SCFD2: variants seen among roughly 807,000 people sequenced by gnomAD.
SCFD2 encodes sec1 family domain containing 2, also known as sec1 family domain-containing protein 2.
SCFD2 carries 54 observed loss-of-function variants against 58.9 expected under a neutral mutation model. The observed-to-expected ratio is 0.92, with a 90% confidence interval of 0.74 to 1.15. The LOEUF (loss-of-function observed/expected upper bound fraction) is 1.15, where lower values mean the gene tolerates loss of function less well. Among genes scored for constraint, SCFD2 ranks in the 50% most tolerant of loss-of-function variants. SCFD2 has a pLI of 0.00. For missense variants in SCFD2, 805 were observed against 836.6 expected, an observed-to-expected ratio of 0.96 and a Z score of 0.47; for synonymous variants, 321 against 335.9, an observed-to-expected ratio of 0.96 and a Z score of 0.49.
intron 4 of SCFD2, among the ~76,000 whole-genome samples, chr4:53,154,466 C>A (rs1235695703): frequency 2.6e-5 from 4 of 152,220 alleles, no homozygotes; most frequent in African/African-American, 9.7e-5. Flanking sequence ...ACCTAGGAAT[C>A]AAGAGGGATC....
At chr4:52,953,144 C>T (rs886346616) in intron 5 of SCFD2, among the ~76,000 whole-genome samples, 5 of 152,198 alleles carry the variant, frequency 3.3e-5, no homozygotes, top group Admixed American at 6.5e-5. Context: ...TGGTACTACT[C>T]GGTGCATTAC....
intron 5 of SCFD2, among the ~76,000 whole-genome samples, chr4:52,968,134 C>G (rs1197275250): frequency 5.3e-5 from 8 of 151,962 alleles, no homozygotes; most frequent in Non-Finnish European, 1.5e-5. Context: ...AGGGGAATCA[C>G]AGCCATCAAT....
chr4:53,260,270 A>G (rs186782967), intron 4 of SCFD2, among the ~76,000 whole-genome samples: 1 of 152,210 alleles, frequency 6.6e-6, no homozygotes, highest in Admixed American at 6.5e-5. Context: ...ACTATGTTGA[A>G]CAGAAGTGAT....
chr4:52,915,545 T>C (rs1242340344), intron 6 of SCFD2, among the ~76,000 whole-genome samples: 1 of 152,234 alleles, frequency 6.6e-6, no homozygotes, highest in Non-Finnish European at 1.5e-5. Flanking sequence ...GGAAACAATT[T>C]ATTTGTAGAT....
intron 5 of SCFD2, among the ~76,000 whole-genome samples, chr4:52,967,410 G>A (rs1341553939): frequency 6.6e-6 from 1 of 152,078 alleles, no homozygotes; most frequent in Non-Finnish European, 1.5e-5. Flanking sequence ...TTGTCCCTAA[G>A]TAACTCTATA....
rs149189359 is a variant in SCFD2 at position 53,365,321 on chromosome 4, C to T, written c.621G>A (p.Thr207=). The T allele has an allele frequency of 1.5e-5, 25 of 1,614,058 alleles. No homozygotes were observed. Among genetic ancestry groups the T allele is most frequent in the South Asian group, 3.3e-5 (3 of 91,082 alleles). ...LGSLGDVDST[T]LTPELLLQIR... ...TCTGCAGCAGCAGCTCTGGGGTTAG[C>T]GTAGTGGAGTCCACATCACCCAGGC... The change falls in exon 1 of 9, where the codon ACG becomes ACA. Residue 207 remains threonine (T), a synonymous_variant. Transcript: ENST00000401642. This position sits in a 1 kb window ranked among gnomAD's most constrained non-coding sequence, Gnocchi z 4.3.
chr4:53,067,195 A>G (rs137911528), intron 5 of SCFD2, among the ~76,000 whole-genome samples: 5 of 152,100 alleles, frequency 3.3e-5, no homozygotes, highest in Admixed American at 6.6e-5. Context: ...GCCTCCTGCT[A>G]TAGGGACCAT....
At chr4:52,954,975 C>G (rs1245032703) in intron 5 of SCFD2, among the ~76,000 whole-genome samples, 2 of 152,198 alleles carry the variant, frequency 1.3e-5, no homozygotes, top group Non-Finnish European at 2.9e-5. Context: ...CTCCACCCAC[C>G]CCTCCTGCTC....
chr4:52,923,551 A>T (rs995173059), intron 5 of SCFD2, among the ~76,000 whole-genome samples: 2 of 152,028 alleles, frequency 1.3e-5, no homozygotes, highest in Non-Finnish European at 2.9e-5. Flanking sequence ...ATGCCTCCTC[A>T]CAACAGTGGA....
intron 4 of SCFD2, among the ~76,000 whole-genome samples, chr4:53,182,185 A>C (rs902231006): frequency 5.3e-5 from 8 of 152,152 alleles, no homozygotes; most frequent in African/African-American, 1.7e-4. Flanking sequence ...AAAAGAGCCC[A>C]CACTGCCAAG....
intron 8 of SCFD2, among the ~76,000 whole-genome samples, chr4:52,879,091 C>G (rs758698821): frequency 6.6e-5 from 10 of 152,218 alleles, no homozygotes; most frequent in Middle Eastern, 3.4e-3. Flanking sequence ...GACTTTACTC[C>G]GACCCATCAA....
chr4:52,936,239 A>G (rs1411701017), intron 5 of SCFD2, among the ~76,000 whole-genome samples: 1 of 152,220 alleles, frequency 6.6e-6, no homozygotes, highest in Non-Finnish European at 1.5e-5. Flanking sequence ...GGGTACCTGG[A>G]TTAACTTTCC....
At chr4:53,094,751 A>G (rs1201477394) in intron 5 of SCFD2, among the ~76,000 whole-genome samples, 1 of 151,780 alleles carries the variant, frequency 6.6e-6, no homozygotes, top group Non-Finnish European at 1.5e-5. Context: ...TTCTCCGTTC[A>G]GCAACCACCC....
intron 5 of SCFD2, chr4:52,950,052 G>A (rs1040895507): frequency 6.6e-6 from 1 of 152,186 alleles, no homozygotes; most frequent in African/African-American, 2.4e-5. Flanking sequence ...ACTTGTGGAT[G>A]GGGTATGAGA....
chr4:53,341,865 G>C (rs543765160), intron 2 of SCFD2, among the ~76,000 whole-genome samples: 1 of 152,118 alleles, frequency 6.6e-6, no homozygotes, highest in East Asian at 1.9e-4. Context: ...CTAAGCTTCA[G>C]AAGTGAAGGA....
chr4:53,251,014 G>C (rs1453048398), intron 4 of SCFD2, among the ~76,000 whole-genome samples: 1 of 151,946 alleles, frequency 6.6e-6, no homozygotes, highest in Non-Finnish European at 1.5e-5. Context: ...AAAGAGAGAA[G>C]AATCAAATAG....
intron 8 of SCFD2, among the ~76,000 whole-genome samples, chr4:52,880,396 C>T (rs1718580047): frequency 6.6e-6 from 1 of 151,372 alleles, no homozygotes; most frequent in South Asian, 2.1e-4. Context: ...GCGGGTGGAT[C>T]ACTTGAGGTA....
rs1729403012 is a variant in SCFD2, at chr4:53,230,564, T to C, written c.1311+43262A>G. On this transcript the variant is annotated intron_variant, in intron 4 of 8. Coordinates refer to ENST00000401642, the MANE Select transcript of SCFD2 (RefSeq NM_152540.4). ...GCATGTTCTCACTCATAGGTGGGAA[T>C]TGAACACTGAGAACGCATGGACACA... is the stretch of plus-strand genomic sequence containing the variant. Among the ~76,000 whole-genome samples the C allele has an allele frequency of 4.6e-5, 6 of 130,186 alleles. No individual in the cohort carries two copies. In the South Asian group the frequency reaches 1.4e-3, roughly 30 times the overall value. 85.4% of individuals were successfully genotyped at this position (130,186 alleles called of 152,430 possible). A position where few individuals can be genotyped will look rare whatever the true frequency, so the allele number is the denominator to read the frequency against.
intron 3 of SCFD2, among the ~76,000 whole-genome samples, chr4:53,304,927 G>C (rs1359755585): frequency 6.6e-6 from 1 of 151,950 alleles, no homozygotes; most frequent in Non-Finnish European, 1.5e-5. Context: ...GGAATTTTCA[G>C]GCTTTTTGTG....
Sources: gnomAD v4.1 joint callset for allele counts (sites outside exome capture counted in the v4.1 genomes callset) on GRCh38, gnomAD v4.1.1 for gene constraint, Gnocchi (gnomAD v3.1) non-coding constraint, MANE v1.5 for transcripts, NCBI Gene and HGNC (gene_info 2026-07-23, HGNC 2026-07-21) for gene names.